CLVS1: variants seen among roughly 807,000 people sequenced by gnomAD.
The protein encoded by CLVS1 is clavesin-1.
Under a neutral mutation model 33.1 loss-of-function variants are expected in CLVS1, and 10 were observed. The ratio of observed to expected loss-of-function variants is 0.30; its 90% CI spans 0.19 to 0.51. The LOEUF (loss-of-function observed/expected upper bound fraction) is 0.51, where lower values mean the gene tolerates loss of function less well. CLVS1 is among the 20% of genes least tolerant of loss of function. The pLI is 0.97. For synonymous variants in CLVS1, 163 were observed against 166.1 expected (o/e 0.98, Z 0.14); for missense variants, 343 against 433.4 (o/e 0.79, Z 1.85).
chr8:61,408,239 G>A (rs1815068982), intron 3 of CLVS1, among the ~76,000 whole-genome samples: 1 of 152,186 alleles, frequency 6.6e-6, no homozygotes, highest in African/African-American at 2.4e-5. Flanking sequence ...AGGATGTAAG[G>A]AAGCAATAGA....
At chr8:61,085,593 A>G (rs755299563) in intron 1 of CLVS1, among the ~76,000 whole-genome samples, 10 of 152,108 alleles carry the variant, frequency 6.6e-5, no homozygotes, top group Non-Finnish European at 1.5e-4. Context: ...GAATGTAACA[A>G]TGAAATGCAT....
the CLVS1 span, among the ~76,000 whole-genome samples, chr8:61,029,158 C>T: frequency 6.6e-6 from 1 of 152,324 alleles, no homozygotes; most frequent in East Asian, 1.9e-4. Flanking sequence ...CTCTATTTTG[C>T]AAACAGTCCA....
At chr8:61,024,210 A>C in the CLVS1 span, among the ~76,000 whole-genome samples, 1 of 152,142 alleles carries the variant, frequency 6.6e-6, no homozygotes, top group Non-Finnish European at 1.5e-5. Context: ...TCCCTTTAAC[A>C]TTTCTGAAAA....
chr8:61,091,700 T>C (rs1182023976), intron 1 of CLVS1, among the ~76,000 whole-genome samples: 1 of 152,236 alleles, frequency 6.6e-6, no homozygotes, highest in Non-Finnish European at 1.5e-5. Context: ...ACTTCAGCTT[T>C]TACTAAATAT....
intron 3 of CLVS1, among the ~76,000 whole-genome samples, chr8:61,380,181 A>AT (rs1813814656): frequency 6.6e-6 from 1 of 152,174 alleles, no homozygotes. Context: ...TATAGAAGTG[A>AT]TGGGCACTGG....
Position 61,070,365 on chromosome 8 carries a change from T to C in CLVS1, c.-243+13135T>C, listed in dbSNP as rs574419805. The stretch of plus-strand genomic sequence containing the variant: ...GCTACAGTCATGATTCCGAGGAGGA[T>C]TATATTGTGATTTTATGAAAGTTAT... On this transcript the variant is annotated intron_variant, in intron 1 of 2. Coordinates refer to the CLVS1 transcript ENST00000522621. Among the ~76,000 whole-genome samples, 19 of 152,314 alleles carry C rather than the reference T, an allele frequency of 1.2e-4. No homozygotes were observed. In the South Asian group the frequency reaches 3.5e-3, roughly 28 times the overall value.
At chr8:61,037,098 TC>T in the CLVS1 span, among the ~76,000 whole-genome samples, 1 of 152,236 alleles carries the variant, frequency 6.6e-6, no homozygotes, top group African/African-American at 2.4e-5. Flanking sequence ...CTAAAAACAT[TC>T]ATTTGCGTGG....
At chr8:61,491,636 C>A (rs1804091874) in intron 5 of CLVS1, among the ~76,000 whole-genome samples, 1 of 152,096 alleles carries the variant, frequency 6.6e-6, no homozygotes, top group Admixed American at 6.5e-5. Context: ...AAGAGGGAAA[C>A]TAATATTAAA....
At chr8:61,394,199 A>G (rs1406390847) in intron 3 of CLVS1, among the ~76,000 whole-genome samples, 1 of 152,130 alleles carries the variant, frequency 6.6e-6, no homozygotes, top group African/African-American at 2.4e-5. Flanking sequence ...ATACAATGCA[A>G]TGGAATGCAG....
chr8:61,159,646 A>G (rs978887011), intron 2 of CLVS1, among the ~76,000 whole-genome samples: 1 of 152,228 alleles, frequency 6.6e-6, no homozygotes, highest in Non-Finnish European at 1.5e-5. Flanking sequence ...ATCATTTATC[A>G]TGAACGAAAT....
chr8:61,028,068 C>G, the CLVS1 span, among the ~76,000 whole-genome samples: 1 of 152,204 alleles, frequency 6.6e-6, no homozygotes, highest in African/African-American at 2.4e-5. Context: ...GCTTCAGAAG[C>G]AGCTCAGAAA....
intron 2 of CLVS1, among the ~76,000 whole-genome samples, chr8:61,231,008 C>T (rs930442193): frequency 1.3e-5 from 2 of 152,152 alleles, no homozygotes; most frequent in Non-Finnish European, 1.5e-5. Flanking sequence ...CAGAGCCCCA[C>T]CTCCTAATAC....
intron 2 of CLVS1, among the ~76,000 whole-genome samples, chr8:61,246,513 C>A (rs752721181): frequency 2.0e-5 from 3 of 151,990 alleles, no homozygotes; most frequent in Non-Finnish European, 4.4e-5. Context: ...TTTAGTTCTA[C>A]GTGTAAAATC....
intron 2 of CLVS1, among the ~76,000 whole-genome samples, chr8:61,190,308 A>T (rs1340935613): frequency 6.6e-6 from 1 of 152,212 alleles, no homozygotes; most frequent in East Asian, 1.9e-4. Flanking sequence ...AGAAATAAAG[A>T]TGTTCTTTGA....
At chr8:61,487,901 G>T (rs1803937074) in intron 5 of CLVS1, among the ~76,000 whole-genome samples, 1 of 152,156 alleles carries the variant, frequency 6.6e-6, no homozygotes, top group Non-Finnish European at 1.5e-5. Context: ...GCCAACTTCT[G>T]GCATTTTTCT....
intron 2 of CLVS1, among the ~76,000 whole-genome samples, chr8:61,265,199 A>G (rs1441812917): frequency 6.6e-6 from 1 of 152,134 alleles, no homozygotes; most frequent in Non-Finnish European, 1.5e-5. Flanking sequence ...TGCTCCTCAA[A>G]TCTACTTCCC....
chr8:61,258,783 G>A (rs548211598), intron 2 of CLVS1, among the ~76,000 whole-genome samples: 24 of 152,218 alleles, frequency 1.6e-4, no homozygotes, highest in Non-Finnish European at 2.8e-4. Context: ...CCATCTACTC[G>A]TCTAGTACAA....
At chr8:61,270,855 G>A (rs1395793337) in intron 2 of CLVS1, among the ~76,000 whole-genome samples, 1 of 152,048 alleles carries the variant, frequency 6.6e-6, no homozygotes, top group Non-Finnish European at 1.5e-5. Flanking sequence ...GGGATCGGTG[G>A]TGATATCCCC....
chr8:61,095,204 A>G (rs1028034586), intron 1 of CLVS1, among the ~76,000 whole-genome samples: 7 of 152,206 alleles, frequency 4.6e-5, no homozygotes, highest in African/African-American at 1.4e-4. Context: ...GAATTTTTCA[A>G]AACAAAACTT....
Sources: allele counts gnomAD v4.1 joint callset (sites outside exome capture counted in the v4.1 genomes callset), GRCh38; gene constraint gnomAD v4.1.1; transcripts MANE v1.5; gene names NCBI Gene and HGNC (gene_info 2026-07-23, HGNC 2026-07-21).